The following KHDRBS3 variants were observed in gnomAD, a reference collection of about 807,000 sequenced individuals.
The protein encoded by KHDRBS3 is KH domain-containing, RNA-binding, signal transduction-associated protein 3.
KHDRBS3 carries 23 observed loss-of-function variants against 45.6 expected under a neutral mutation model. The observed-to-expected ratio is 0.50, with a 90% CI of 0.36 to 0.72. The LOEUF is 0.72. KHDRBS3 is among the 30% of genes least tolerant of loss of function. The pLI, the probability that KHDRBS3 is intolerant of heterozygous loss-of-function variation, is 0.00. For synonymous variants in KHDRBS3, 162 were observed against 156.5 expected (o/e 1.04, Z -0.26); for missense variants, 352 against 424.8 (o/e 0.83, Z 1.51).
chr8:135,464,628 T>C (rs1013810086), intron 1 of KHDRBS3, among the ~76,000 whole-genome samples: 5 of 152,232 alleles, frequency 3.3e-5, no homozygotes, highest in African/African-American at 1.2e-4. Context: ...GGGGGGAATA[T>C]GTTTAAATAT....
At chr8:135,609,340 G>A (rs1286424408) in intron 7 of KHDRBS3, among the ~76,000 whole-genome samples, 1 of 149,826 alleles carries the variant, frequency 6.7e-6, no homozygotes, top group Non-Finnish European at 1.5e-5. Context: ...TGTCACCCAG[G>A]CTGGAATGCA....
intron 5 of KHDRBS3, among the ~76,000 whole-genome samples, chr8:135,559,679 A>G (rs1371810766): frequency 6.6e-6 from 1 of 152,166 alleles, no homozygotes; most frequent in East Asian, 1.9e-4. Flanking sequence ...ATATTTTAAA[A>G]ACTCTTCTGA....
chr8:135,472,539 T>G (rs1233893397), intron 1 of KHDRBS3, among the ~76,000 whole-genome samples: 2 of 152,220 alleles, frequency 1.3e-5, no homozygotes, highest in Non-Finnish European at 2.9e-5. Flanking sequence ...AGCAGTCTTA[T>G]TTGGAGAATA....
chr8:135,654,879 A>G (rs1831500771), intron 4 of KHDRBS3, among the ~76,000 whole-genome samples: 1 of 152,208 alleles, frequency 6.6e-6, no homozygotes, highest in Non-Finnish European at 1.5e-5. Context: ...CTGGTTATCC[A>G]GATCCTCCCA....
intron 1 of KHDRBS3, among the ~76,000 whole-genome samples, chr8:135,516,849 A>G (rs1394353473): frequency 1.3e-5 from 2 of 152,224 alleles, no homozygotes; most frequent in African/African-American, 2.4e-5. Context: ...TGAAGTTGCT[A>G]GAACAAAGGA....
At chr8:135,492,218 G>C (rs961576689) in intron 1 of KHDRBS3, among the ~76,000 whole-genome samples, 1 of 151,980 alleles carries the variant, frequency 6.6e-6, no homozygotes, top group South Asian at 2.1e-4. Context: ...TTAGGTAGTA[G>C]ATTATTAGGA....
rs555823393 is a variant in KHDRBS3 at position 135,459,518 on chromosome 8, G to A, written c.88+1564G>A. Among the ~76,000 whole-genome samples the A allele has an allele frequency of 3.7e-4, 57 of 152,256 alleles. No individual in the cohort carries two copies. The Middle Eastern group carries it at 0.017, about 45-fold the overall frequency. ...TACTCCTGTGCCTGATGATTTACAT[G>A]TATCTTTTATTGCCTGCTGGGCTGT... On this transcript the variant is annotated intron_variant, in intron 1 of 8. Transcript: ENST00000355849.
intron 7 of KHDRBS3, chr8:135,625,601 G>T: frequency 1.1e-6 from 1 of 951,578 alleles, no homozygotes; most frequent in Non-Finnish European, 1.7e-6. Flanking sequence ...TTGTCTGGCA[G>T]CCACAGGGTC....
intron 2 of KHDRBS3, among the ~76,000 whole-genome samples, chr8:135,536,946 G>A (rs1176118472): frequency 3.5e-5 from 4 of 112,908 alleles, no homozygotes; most frequent in East Asian, 5.5e-4. Flanking sequence ...CGACCTGGGC[G>A]ACAGAGCGAA....
chr8:135,515,365 TAAAAAAAAAAA>T (rs59502823), intron 1 of KHDRBS3, among the ~76,000 whole-genome samples: 4,460 of 39,636 alleles, frequency 0.11, 309 homozygotes, highest in East Asian at 0.14. Context: ...GACTCCGTCT[TAAAAAAAAAAA>T]AAAAAAAAAA....
intron 5 of KHDRBS3, among the ~76,000 whole-genome samples, chr8:135,567,788 G>C (rs1163490700): frequency 6.6e-6 from 1 of 152,198 alleles, no homozygotes; most frequent in African/African-American, 2.4e-5. Flanking sequence ...AAAAGACTAA[G>C]AGCAAAGTAC....
chr8:135,567,046 C>G (rs895848806), intron 5 of KHDRBS3, among the ~76,000 whole-genome samples: 1 of 152,154 alleles, frequency 6.6e-6, no homozygotes, highest in Non-Finnish European at 1.5e-5. Context: ...TACTCCTGAA[C>G]GCCTCTGAAT....
At position 135,519,081 on chromosome 8, in the gene KHDRBS3, A is replaced by T. The variant is rs1824773461; in HGVS notation, c.89-2156A>T. 2.0e-5 allele frequency among the ~76,000 whole-genome samples: 3 copies of T among 152,318 alleles called. No individual in the cohort carries two copies. The South Asian group carries it at 6.2e-4, about 32-fold the overall frequency. Reference sequence around the variant, plus strand: ...AGCAGACAAAATGACAAATTCATTTATTTGGTGACTTAGTCTTTATCTCTT... The same window carrying T: ...AGCAGACAAAATGACAAATTCATTTTTTTGGTGACTTAGTCTTTATCTCTT... On this transcript the variant is annotated intron_variant, in intron 1 of 8. Transcript: ENST00000355849.
chr8:135,485,233 T>C (rs1000977984), intron 1 of KHDRBS3, among the ~76,000 whole-genome samples: 4 of 152,166 alleles, frequency 2.6e-5, no homozygotes, highest in South Asian at 2.1e-4. Context: ...CAGCAGTGAC[T>C]GACATGAAGG....
intron 1 of KHDRBS3, among the ~76,000 whole-genome samples, chr8:135,479,767 C>G (rs140184896): frequency 2.0e-5 from 3 of 152,134 alleles, no homozygotes; most frequent in Admixed American, 1.3e-4. Context: ...ATGAATATTG[C>G]GGGGACACAA....
At chr8:135,621,137 G>T (rs1233754130) in intron 7 of KHDRBS3, among the ~76,000 whole-genome samples, 13 of 140,012 alleles carry the variant, frequency 9.3e-5, no homozygotes, top group Admixed American at 4.8e-4. Flanking sequence ...TAAAAAAAAG[G>T]GGGGGAGGAT....
chr8:135,652,123 GT>G (rs1248689991), downstream of KHDRBS3, among the ~76,000 whole-genome samples: 1 of 152,178 alleles, frequency 6.6e-6, no homozygotes, highest in East Asian at 1.9e-4. Context: ...GATATTCAGT[GT>G]TTTGTAGGGA....
At position 135,576,653 on chromosome 8, in the gene KHDRBS3, C is replaced by T. The variant is rs562809594; in HGVS notation, c.612-5225C>T. ...CCAGACTAGTCTTAGATATTTCTAC[C>T]TCCAGTCCTAAAATCAGTCATTTCT... On this transcript the variant is annotated intron_variant, in intron 5 of 8. Transcript: ENST00000355849. Among the ~76,000 whole-genome samples, 3 of 152,078 alleles carry T rather than the reference C, an allele frequency of 2.0e-5. No homozygotes were observed. In the South Asian group the frequency reaches 6.2e-4, roughly 32 times the overall value.
chr8:135,511,155 A>G (rs141540401), intron 1 of KHDRBS3, among the ~76,000 whole-genome samples: 96 of 152,342 alleles, frequency 6.3e-4, no homozygotes, highest in African/African-American at 2.3e-3. Flanking sequence ...TAGGAATCAG[A>G]TAACTTGGGG....
Sources: gnomAD v4.1 joint callset for allele counts (sites outside exome capture counted in the v4.1 genomes callset) on GRCh38, gnomAD v4.1.1 for gene constraint, MANE v1.5 for transcripts, NCBI Gene and HGNC (gene_info 2026-07-23, HGNC 2026-07-21) for gene names.